SOX5: variants seen among roughly 807,000 people sequenced by gnomAD.
The protein encoded by SOX5 is SRY-box transcription factor 5.
SOX5 carries 9 observed loss-of-function variants against 92.0 expected under a neutral mutation model. The observed-to-expected ratio is 0.10, with a 90% confidence interval of 0.06 to 0.17. The LOEUF (loss-of-function observed/expected upper bound fraction) is 0.17, where lower values mean the gene tolerates loss of function less well. Ranked by LOEUF, SOX5 falls within the 10% of genes least tolerant of loss-of-function variation. The pLI is 1.00. For synonymous variants in SOX5, 344 were observed against 336.3 expected, an observed-to-expected ratio of 1.02 and a Z score of -0.25; for missense variants, 642 against 944.5, an observed-to-expected ratio of 0.68 and a Z score of 4.20.
intron 1 of SOX5, among the ~76,000 whole-genome samples, chr12:24,520,053 C>G (rs543759003): frequency 1.3e-5 from 2 of 151,342 alleles, no homozygotes; most frequent in Non-Finnish European, 1.5e-5. Context: ...AAAAAAAAAC[C>G]TGCCAATCAA....
intron 8 of SOX5, among the ~76,000 whole-genome samples, chr12:23,621,700 A>C (rs543806509): frequency 6.6e-5 from 10 of 152,266 alleles, no homozygotes; most frequent in African/African-American, 1.9e-4. Flanking sequence ...CTTTGGAAAC[A>C]AATATAAATA....
At chr12:23,597,044 G>T (rs1488251901) in intron 9 of SOX5, among the ~76,000 whole-genome samples, 5 of 152,194 alleles carry the variant, frequency 3.3e-5, no homozygotes, top group Middle Eastern at 6.8e-3. Context: ...CTACTTTACA[G>T]TCCAAGTTTC....
chr12:24,179,509 CTAAG>C (rs1955228289), intron 4 of SOX5, among the ~76,000 whole-genome samples: 1 of 152,194 alleles, frequency 6.6e-6, no homozygotes, highest in African/African-American at 2.4e-5. Flanking sequence ...GGGTAAACAA[CTAAG>C]ACTCTGCAAT....
At chr12:24,054,446 A>G (rs1379507584) in intron 4 of SOX5, among the ~76,000 whole-genome samples, 1 of 152,224 alleles carries the variant, frequency 6.6e-6, no homozygotes, top group African/African-American at 2.4e-5. Flanking sequence ...GGCACTACAC[A>G]TGGGCATGGC....
chr12:24,177,148 T>C (rs1040047914), intron 4 of SOX5, among the ~76,000 whole-genome samples: 6 of 152,156 alleles, frequency 3.9e-5, no homozygotes, highest in Non-Finnish European at 5.9e-5. Context: ...AAGGGATTAT[T>C]AACATTATCT....
chr12:24,074,678 A>T (rs1346235809), intron 4 of SOX5, among the ~76,000 whole-genome samples: 2 of 146,370 alleles, frequency 1.4e-5, no homozygotes, highest in Non-Finnish European at 3.0e-5. Flanking sequence ...TTAAGTCTTA[A>T]TTTTTTCACA....
intron 3 of SOX5, among the ~76,000 whole-genome samples, chr12:23,823,309 G>T (rs2096161280): frequency 6.6e-6 from 1 of 152,112 alleles, no homozygotes; most frequent in Non-Finnish European, 1.5e-5. Flanking sequence ...AGGCAGGCCT[G>T]GTGGTGACAA....
intron 2 of SOX5, among the ~76,000 whole-genome samples, chr12:23,850,946 C>T (rs796715443): frequency 1.2e-4 from 19 of 152,148 alleles, no homozygotes; most frequent in African/African-American, 4.3e-4. Flanking sequence ...CTAGGAAATT[C>T]GCTATGAACT....
At chr12:23,795,967 G>A (rs978756518) in intron 3 of SOX5, among the ~76,000 whole-genome samples, 1 of 152,100 alleles carries the variant, frequency 6.6e-6, no homozygotes, top group Non-Finnish European at 1.5e-5. Flanking sequence ...ACAAGGTCAA[G>A]AAAACGGGTG....
intron 1 of SOX5, among the ~76,000 whole-genome samples, chr12:24,487,097 C>A (rs919299986): frequency 6.6e-6 from 1 of 152,128 alleles, no homozygotes; most frequent in Non-Finnish European, 1.5e-5. Context: ...TATCAATCCA[C>A]GGAGCCAGTG....
chr12:23,593,779 G>A (rs1013265121), intron 9 of SOX5, among the ~76,000 whole-genome samples: 2 of 151,900 alleles, frequency 1.3e-5, no homozygotes, highest in Admixed American at 6.6e-5. Flanking sequence ...AGCAGGTGGC[G>A]TTGCATGTTT....
chr12:24,157,777 T>A (rs1411521209), intron 4 of SOX5, among the ~76,000 whole-genome samples: 1 of 152,100 alleles, frequency 6.6e-6, no homozygotes, highest in East Asian at 1.9e-4. Flanking sequence ...GCACCAGTAT[T>A]TATGGCATTA....
At chr12:23,895,462 T>G (rs2097167742) in intron 2 of SOX5, among the ~76,000 whole-genome samples, 1 of 152,118 alleles carries the variant, frequency 6.6e-6, no homozygotes, top group East Asian at 1.9e-4. Context: ...AAACTTTTAT[T>G]AGAAAAAGTA....
chr12:24,302,987 T>C (rs1478177328), intron 2 of SOX5, among the ~76,000 whole-genome samples: 2 of 151,460 alleles, frequency 1.3e-5, no homozygotes, highest in African/African-American at 2.4e-5. Flanking sequence ...CTCAAAAAAT[T>C]GCACCAAATT....
At chr12:23,669,066 C>T (rs577129865) in intron 6 of SOX5, among the ~76,000 whole-genome samples, 4 of 151,860 alleles carry the variant, frequency 2.6e-5, no homozygotes, top group Admixed American at 2.6e-4. Flanking sequence ...CAATCAACAT[C>T]TGCTAAGTAG....
At chr12:24,476,193 A>G (rs1945360715) in intron 1 of SOX5, among the ~76,000 whole-genome samples, 1 of 152,228 alleles carries the variant, frequency 6.6e-6, no homozygotes, top group Admixed American at 6.5e-5. Flanking sequence ...AGAAACATTT[A>G]TAACATTTAT....
At chr12:24,214,812 T>C (rs967939918) in intron 3 of SOX5, among the ~76,000 whole-genome samples, 1 of 152,094 alleles carries the variant, frequency 6.6e-6, no homozygotes, top group Non-Finnish European at 1.5e-5. Context: ...GCAACTTTTA[T>C]TTATTAATTT....
intron 2 of SOX5, among the ~76,000 whole-genome samples, chr12:23,860,987 A>G (rs1332001175): frequency 6.7e-6 from 1 of 148,718 alleles, no homozygotes; most frequent in Non-Finnish European, 1.5e-5. Flanking sequence ...AACCCTGCCA[A>G]CATAGAAATA....
chr12:24,195,848 A>C (rs1346635319), intron 4 of SOX5, among the ~76,000 whole-genome samples: 1 of 152,172 alleles, frequency 6.6e-6, no homozygotes, highest in Non-Finnish European at 1.5e-5. Context: ...CTAATTGCTT[A>C]TATAGTCTCC....
Sources: allele counts gnomAD v4.1 joint callset (sites outside exome capture counted in the v4.1 genomes callset), GRCh38; gene constraint gnomAD v4.1.1; transcripts MANE v1.5; gene names NCBI Gene and HGNC (gene_info 2026-07-23, HGNC 2026-07-21).